PPP1R14C: variants seen among roughly 807,000 people sequenced by gnomAD.
PPP1R14C encodes protein phosphatase 1 regulatory inhibitor subunit 14C, also known as protein phosphatase 1 regulatory subunit 14C.
Under a neutral mutation model 20.4 loss-of-function variants are expected in PPP1R14C, and 16 were observed. The observed-to-expected ratio is 0.78, with a 90% CI of 0.53 to 1.19. The LOEUF is 1.19. Among genes scored for constraint, PPP1R14C ranks in the 50% most tolerant of loss-of-function variants. The pLI, the probability that PPP1R14C is intolerant of heterozygous loss-of-function variation, is 0.00. For missense variants in PPP1R14C, 211 were observed against 220.1 expected (o/e 0.96, Z 0.26); for synonymous variants, 91 against 91.0 (o/e 1.00, Z 0.00).
intron 1 of PPP1R14C, among the ~76,000 whole-genome samples, chr6:150,165,557 G>A (rs960963867): frequency 1.3e-5 from 2 of 152,318 alleles, no homozygotes; most frequent in African/African-American, 4.8e-5. Context: ...TATGTGGCAG[G>A]CATAAAGTAG....
chr6:150,182,831 C>A (rs1323530874), intron 1 of PPP1R14C, among the ~76,000 whole-genome samples: 1 of 152,176 alleles, frequency 6.6e-6, no homozygotes, highest in Non-Finnish European at 1.5e-5. Context: ...ATAGAGTGAA[C>A]TACACACGCC....
In PPP1R14C at chr6:150,245,658, T is replaced by C. The variant is rs150080745; in HGVS notation, c.424-3088T>C. ...ACTAAATCAGTGTCTGTAACCCAAG[T>C]TGGAGTGATAGTATTTTAGGAGTAA... On this transcript the variant is annotated intron_variant, in intron 3 of 3. Transcript: ENST00000361131. Among the ~76,000 whole-genome samples, 467 of 152,296 alleles carry C rather than the reference T, an allele frequency of 3.1e-3. 7 individuals are homozygous for C. The highest frequency in any genetic ancestry group is 4.9e-3 in the Non-Finnish European group (335 of 68,026).
At chr6:150,214,564 C>T (rs1157610408) in intron 1 of PPP1R14C, among the ~76,000 whole-genome samples, 180 bp from the exon 2 acceptor site, 1 of 151,262 alleles carries the variant, frequency 6.6e-6, no homozygotes, top group African/African-American at 2.4e-5. Context: ...CCCCTTCATC[C>T]TGTTTCCCCT....
chr6:150,203,934 G>A (rs115604999), intron 1 of PPP1R14C, among the ~76,000 whole-genome samples: 19 of 152,328 alleles, frequency 1.2e-4, no homozygotes, highest in African/African-American at 4.1e-4. Context: ...CTTGGGTGGC[G>A]CCAGCCCTTC....
Position 150,159,290 on chromosome 6 carries a change from C to T in PPP1R14C, c.306+15792C>T, listed in dbSNP as rs549678292. Among the ~76,000 whole-genome samples, 3 of 152,346 alleles carry T rather than the reference C, an allele frequency of 2.0e-5. No individual in the cohort carries two copies. The South Asian group carries it at 6.2e-4, about 32-fold the overall frequency. On this transcript the variant is annotated intron_variant, in intron 1 of 3. Coordinates refer to ENST00000361131, the MANE Select transcript of PPP1R14C (RefSeq NM_030949.3). The stretch of plus-strand genomic sequence containing the variant: ...TACACACAAAAGCCTTTCTGTCTTT[C>T]TCTTCCTCTCTTCAGCCAGATTTGA...
At chr6:150,217,324 T>G (rs1778107039) in intron 3 of PPP1R14C, among the ~76,000 whole-genome samples, 2 of 151,624 alleles carry the variant, frequency 1.3e-5, no homozygotes, top group African/African-American at 4.9e-5. Flanking sequence ...GCCTCCTGAG[T>G]AGCTGGGATT....
chr6:150,160,495 G>A (rs1180091446), intron 1 of PPP1R14C, among the ~76,000 whole-genome samples: 6 of 150,502 alleles, frequency 4.0e-5, no homozygotes, highest in Admixed American at 3.3e-4. Context: ...GGATGGTCTC[G>A]ATCTCCTGAC....
At chr6:150,166,316 A>G (rs1334157179) in intron 1 of PPP1R14C, among the ~76,000 whole-genome samples, 2 of 151,904 alleles carry the variant, frequency 1.3e-5, no homozygotes, top group Non-Finnish European at 2.9e-5. Flanking sequence ...TCCTGACCTC[A>G]TGATCTACCC....
intron 1 of PPP1R14C, among the ~76,000 whole-genome samples, chr6:150,192,679 A>G (rs1040070489): frequency 3.3e-5 from 5 of 152,174 alleles, no homozygotes; most frequent in Admixed American, 3.3e-4. Flanking sequence ...ATGTGTTATT[A>G]TATTTCATGG....
At chr6:150,207,186 C>G (rs530069892) in intron 1 of PPP1R14C, among the ~76,000 whole-genome samples, 2 of 152,178 alleles carry the variant, frequency 1.3e-5, no homozygotes, top group South Asian at 4.2e-4. Flanking sequence ...TTAAAAAGGG[C>G]TTTGGGAGGA....
At chr6:150,187,659 T>G (rs936088838) in intron 1 of PPP1R14C, among the ~76,000 whole-genome samples, 1 of 152,218 alleles carries the variant, frequency 6.6e-6, no homozygotes. Context: ...TATTCTATGG[T>G]GTATATGTAC....
chr6:150,239,874 G>A (rs2114931241), intron 3 of PPP1R14C, among the ~76,000 whole-genome samples: 1 of 152,140 alleles, frequency 6.6e-6, no homozygotes, highest in East Asian at 1.9e-4. Flanking sequence ...CCAACATGGT[G>A]AAACCCCGTC....
intron 1 of PPP1R14C, among the ~76,000 whole-genome samples, chr6:150,205,297 G>A (rs1045621266): frequency 6.6e-6 from 1 of 152,064 alleles, no homozygotes; most frequent in Admixed American, 6.6e-5. Flanking sequence ...GAACTTCTGG[G>A]ACCAACAGCC....
chr6:150,176,295 T>C (rs1185617620), intron 1 of PPP1R14C, among the ~76,000 whole-genome samples: 2 of 152,166 alleles, frequency 1.3e-5, no homozygotes, highest in African/African-American at 4.8e-5. Context: ...CTTCCATGAG[T>C]TACCAAGCTG....
rs1210562777 is a variant in PPP1R14C, at chr6:150,250,112, C to T, written c.*1292C>T. 6.6e-6 allele frequency: 1 copy of T among 152,596 alleles called. No homozygotes were observed. Among genetic ancestry groups the T allele is most frequent in the Non-Finnish European group, 1.5e-5 (1 of 68,048 alleles). 9.5% of individuals were successfully genotyped at this position (152,596 alleles called of 1,614,324 possible). On this transcript the variant is annotated 3_prime_UTR_variant, in exon 4 of 4. Transcript: ENST00000361131. ...TAGGTGAGAGTAGAAACCCTTCCCT[C>T]CAGGAGGCCCCCGCTGACTCCCACA...
intron 1 of PPP1R14C, among the ~76,000 whole-genome samples, chr6:150,192,947 T>C (rs976049922): frequency 6.6e-6 from 1 of 152,198 alleles, no homozygotes; most frequent in African/African-American, 2.4e-5. Flanking sequence ...GAGGATGACA[T>C]GGCACAGTCA....
intron 1 of PPP1R14C, among the ~76,000 whole-genome samples, chr6:150,204,192 T>G (rs1777913969): frequency 6.6e-6 from 1 of 152,228 alleles, no homozygotes; most frequent in African/African-American, 2.4e-5. Context: ...CTTAGAAGAT[T>G]GTCCTTGCCA....
chr6:150,213,346 A>AAC (rs3049230), intron 1 of PPP1R14C, among the ~76,000 whole-genome samples: 13,949 of 149,274 alleles, frequency 0.093, 993 homozygotes, highest in African/African-American at 0.2. Flanking sequence ...TTTGTGTTGT[A>AAC]ACACACACAC....
chr6:150,200,436 A>G (rs945114763), intron 1 of PPP1R14C, among the ~76,000 whole-genome samples: 4 of 151,862 alleles, frequency 2.6e-5, no homozygotes, highest in African/African-American at 9.7e-5. Context: ...CCCTTCCTTA[A>G]CCAAGTCTGC....
Sources: allele counts gnomAD v4.1 joint callset (sites outside exome capture counted in the v4.1 genomes callset), GRCh38; gene constraint gnomAD v4.1.1; transcripts MANE v1.5; gene names NCBI Gene and HGNC (gene_info 2026-07-23, HGNC 2026-07-21).